The following CHRNB4 variants were observed in gnomAD, a reference collection of about 807,000 sequenced individuals.
CHRNB4 encodes the protein cholinergic receptor nicotinic beta 4 subunit.
A neutral mutation model predicts 40.4 loss-of-function variants in CHRNB4; 23 were observed. The observed-to-expected ratio is 0.57, with a 90% CI of 0.41 to 0.81. The LOEUF (loss-of-function observed/expected upper bound fraction) is 0.81, where lower values mean the gene tolerates loss of function less well. Ranked by LOEUF, CHRNB4 falls within the 30% of genes least tolerant of loss-of-function variation. The probability of loss-of-function intolerance (pLI) is 0.00; values close to 1 mark genes in which losing one functional copy is unlikely to be tolerated. For synonymous variants in CHRNB4, 285 were observed against 274.4 expected (o/e 1.04, Z -0.38); for missense variants, 568 against 670.6 (o/e 0.85, Z 1.69).
chr15:78,649,365 T>C (rs2054152787), intron 7 of CHRNB4: 1 of 450,878 alleles, frequency 2.2e-6, no homozygotes, highest in Admixed American at 2.4e-5. Context: ...AGGAATGAAC[T>C]GTGGGATACT....
chr15:78,641,260 G>T, upstream of CHRNB4: 2 of 810,174 alleles, frequency 2.5e-6, no homozygotes, highest in Non-Finnish European at 3.5e-6. Context: ...GCGCTCACTA[G>T]GACCCCGCGG....
chr15:78,635,319 C>A, intron 2 of CHRNB4, 120 bp downstream of exon 2: 2 of 1,236,058 alleles, frequency 1.6e-6, no homozygotes, highest in Admixed American at 2.6e-5. Context: ...CTCCCTGACA[C>A]GTACTGGTAA....
intron 1 of CHRNB4, among the ~76,000 whole-genome samples, chr15:78,658,951 G>A (rs549852881): frequency 6.6e-6 from 1 of 152,328 alleles, no homozygotes; most frequent in Non-Finnish European, 1.5e-5. Flanking sequence ...TCAGCAGGAA[G>A]GCAGCAGAAA....
At chr15:78,631,629 C>T (rs2053813642) in intron 2 of CHRNB4, among the ~76,000 whole-genome samples, 1 of 152,224 alleles carries the variant, frequency 6.6e-6, no homozygotes, top group Non-Finnish European at 1.5e-5. Context: ...TCTGATCCAT[C>T]AATAAGTCTT....
chr15:78,633,418 G>A (rs907130226), intron 2 of CHRNB4, among the ~76,000 whole-genome samples: 1 of 152,210 alleles, frequency 6.6e-6, no homozygotes, highest in Non-Finnish European at 1.5e-5. Flanking sequence ...CATACCTAGA[G>A]TGTGGCCCTC....
intron 5 of CHRNB4, 132 bp downstream of exon 5, chr15:78,628,835 C>T: frequency 8.6e-7 from 1 of 1,165,112 alleles, no homozygotes. Flanking sequence ...AAACTCATTT[C>T]AATTTTGGAT....
chr15:78,652,529 C>G (rs2054181836), intron 6 of CHRNB4: 1 of 152,302 alleles, frequency 6.6e-6, no homozygotes, highest in African/African-American at 2.4e-5. Flanking sequence ...CATCTGAGGC[C>G]TCATCATCTG....
chr15:78,640,645 C>CCGGCT (rs1229821795), intron 1 of CHRNB4, among the ~76,000 whole-genome samples: 1 of 152,242 alleles, frequency 6.6e-6, no homozygotes, highest in Non-Finnish European at 1.5e-5. Context: ...GCCCAGGTGG[C>CCGGCT]CGGCTCCTCT....
chr15:78,636,730 T>C (rs2053959160), intron 1 of CHRNB4, among the ~76,000 whole-genome samples: 1 of 152,050 alleles, frequency 6.6e-6, no homozygotes, highest in African/African-American at 2.4e-5. Context: ...ACTACAGGTG[T>C]GCACCACCAC....
At chr15:78,635,890 A>C (rs932116969) in intron 1 of CHRNB4, among the ~76,000 whole-genome samples, 6 of 151,938 alleles carry the variant, frequency 3.9e-5, no homozygotes, top group Admixed American at 1.3e-4. Flanking sequence ...CCCTTGGTTC[A>C]TCCAAGTGGC....
At chr15:78,637,562 TC>T (rs1405981117) in intron 1 of CHRNB4, among the ~76,000 whole-genome samples, 1 of 152,102 alleles carries the variant, frequency 6.6e-6, no homozygotes, top group African/African-American at 2.4e-5. Context: ...GATTACATCT[TC>T]CTGCAAGGGC....
chr15:78,649,419 G>A lies in CHRNB4; in HGVS notation c.6C>T (p.Gly2=), dbSNP rs538194741. The A allele has an allele frequency of 9.4e-4, 428 of 454,870 alleles. 2 individuals carry two copies. Among genetic ancestry groups the A allele is most frequent in the Non-Finnish European group, 1.5e-3 (338 of 226,470 alleles). 28.2% of individuals were successfully genotyped at this position (454,870 alleles called of 1,614,324 possible). Residue 2 remains glycine, a synonymous_variant and NMD_transcript_variant, in exon 7 of 12, where the codon GGC becomes GGT. Coordinates refer to the CHRNB4 transcript ENST00000559849. ...CTGGAGCTGGGGCCAGCAAACTACC[G>A]CCCATCTGCCAAATCTGGAGCTAAG...
chr15:78,629,619 TTGA>T lies in CHRNB4; in HGVS notation c.683_685del (p.Ile228del). On this transcript the variant is annotated inframe_deletion, in exon 5 of 6. Coordinates refer to ENST00000261751, the MANE Select transcript of CHRNB4 (RefSeq NM_000750.5). The surrounding 1 kb of genome is among the most constrained non-coding windows in gnomAD (Gnocchi z 6.8). The stretch of plus-strand genomic sequence containing the variant: ...GATGGTGTAGAACAGAGGCTTGCGC[TTGA>T]TGATGAAGTCGTAAGTCACGTCCAC... 1 of 1,614,068 alleles carries T rather than the reference TTGA, an allele frequency of 6.2e-7. No homozygotes were observed. Among genetic ancestry groups the T allele is most frequent in the Non-Finnish European group, 8.5e-7 (1 of 1,180,004 alleles).
intron 5 of CHRNB4, among the ~76,000 whole-genome samples, chr15:78,653,430 ACCT>A (rs1457575349): frequency 6.6e-6 from 1 of 151,580 alleles, no homozygotes; most frequent in East Asian, 1.9e-4. Context: ...TCATTGAAGG[ACCT>A]CCTTACTCCA....
upstream of CHRNB4, chr15:78,641,269 G>T (rs2054070349): frequency 1.7e-5 from 12 of 720,076 alleles, no homozygotes; most frequent in Non-Finnish European, 2.5e-5. Context: ...AGGACCCCGC[G>T]GAGAGCCCCG....
At position 78,641,168 on chromosome 15, in the gene CHRNB4, C is replaced by A; in HGVS notation, c.-35G>T. The stretch of plus-strand genomic sequence containing the variant: ...GGCCGGGTGGCAGCCGCCGCGAGCT[C>A]CGCTGTGGGGTCACAGGGCACCCGT... On this transcript the variant is annotated 5_prime_UTR_variant, in exon 1 of 6. Coordinates refer to ENST00000261751, the MANE Select transcript of CHRNB4 (RefSeq NM_000750.5). 1.3e-6 allele frequency: 2 copies of A among 1,534,018 alleles called. No homozygotes were observed. The highest frequency in any genetic ancestry group is 1.2e-5 in the South Asian group (1 of 82,640).
At chr15:78,647,284 T>C (rs771228060) in intron 7 of CHRNB4, among the ~76,000 whole-genome samples, 78 of 152,086 alleles carry the variant, frequency 5.1e-4, no homozygotes, top group Non-Finnish European at 9.6e-4. Context: ...TTGCAATTCA[T>C]ATAATCAAAG....
At chr15:78,634,854 C>T (rs1046713747) in intron 2 of CHRNB4, 3 of 443,746 alleles carry the variant, frequency 6.8e-6, no homozygotes, top group African/African-American at 2.0e-5. Flanking sequence ...TCAGCACCCC[C>T]ACCTCTGCCC....
chr15:78,645,483 A>G (rs1326828273), upstream of CHRNB4, among the ~76,000 whole-genome samples: 2 of 152,092 alleles, frequency 1.3e-5, no homozygotes, highest in Non-Finnish European at 2.9e-5. Flanking sequence ...TCTTGAGTGC[A>G]TTTTAAAACA....
Sources: allele counts gnomAD v4.1 joint callset (sites outside exome capture counted in the v4.1 genomes callset), GRCh38; gene constraint gnomAD v4.1.1; non-coding constraint Gnocchi (gnomAD v3.1); transcripts MANE v1.5; gene names NCBI Gene and HGNC (gene_info 2026-07-23, HGNC 2026-07-21).